The following WDR88 variants were observed in gnomAD, a reference collection of about 807,000 sequenced individuals.
WDR88 encodes WD repeat-containing protein 88.
A neutral mutation model predicts 46.8 loss-of-function variants in WDR88; 40 were observed. That is an observed-to-expected ratio of 0.86 (90% CI 0.66 to 1.11). The LOEUF (loss-of-function observed/expected upper bound fraction) is 1.11. Ranked by LOEUF, WDR88 falls within the 50% of genes most tolerant of loss-of-function variation. The pLI is 0.00. For synonymous variants in WDR88, 235 were observed against 240.7 expected (o/e 0.98, Z 0.22); for missense variants, 562 against 602.4 (o/e 0.93, Z 0.70).
chr19:33,133,566 G>A (rs1402708182), intron 1 of WDR88, among the ~76,000 whole-genome samples: 1 of 152,152 alleles, frequency 6.6e-6, no homozygotes, highest in Non-Finnish European at 1.5e-5. Context: ...TCAATAAGTA[G>A]CGTTTCATGC....
intron 7 of WDR88, among the ~76,000 whole-genome samples, chr19:33,157,798 A>G (rs1301828727): frequency 2.0e-5 from 3 of 148,670 alleles, no homozygotes; most frequent in Non-Finnish European, 4.4e-5. Context: ...GGCCCCTGGC[A>G]GTCCTGGAGA....
In WDR88 at chr19:33,160,321, G is replaced by A. The variant is rs11881084; in HGVS notation, c.998-93G>A. The A allele has an allele frequency of 8.7e-3, 10,777 of 1,237,476 alleles. 505 individuals are homozygous for A. The African/African-American group carries it at 0.12, about 13-fold the overall frequency. The allele number at this position is 1,237,476 out of a possible 1,614,324, so 76.7% of individuals were successfully genotyped here. On this transcript the variant is annotated intron_variant, in intron 7 of 10. Coordinates refer to ENST00000355868, the MANE Select transcript of WDR88 (RefSeq NM_173479.4). ...TTTCAGTGTTGTCAGAGTGAGATGA[G>A]GTGGTGCCTCGCCAAGGCATCTTCA...
At chr19:33,157,141 G>A (rs564500716) in intron 7 of WDR88, among the ~76,000 whole-genome samples, 83 of 151,958 alleles carry the variant, frequency 5.5e-4, no homozygotes, top group African/African-American at 2.0e-3. Context: ...AGGCTGCAGT[G>A]AGCTATGATT....
chr19:33,165,470 A>G (rs777732903), intron 9 of WDR88, among the ~76,000 whole-genome samples: 11 of 152,212 alleles, frequency 7.2e-5, no homozygotes, highest in Admixed American at 4.6e-4. Flanking sequence ...GAAATTATAC[A>G]TTATTTTATA....
chr19:33,143,337 C>CAAAAAAA (rs59380405), intron 2 of WDR88, among the ~76,000 whole-genome samples: 1 of 49,348 alleles, frequency 2.0e-5, no homozygotes, highest in African/African-American at 7.8e-5. Context: ...GATCCAGTGT[C>CAAAAAAA]AAAAAAAAAA....
At chr19:33,134,840 A>ACCCCCCCCC (rs766617576) in intron 1 of WDR88, among the ~76,000 whole-genome samples, 1 of 62,408 alleles carries the variant, frequency 1.6e-5, no homozygotes, top group Non-Finnish European at 3.5e-5. Context: ...CGTCCCCGAC[A>ACCCCCCCCC]CCCCCCCCCC....
chr19:33,138,969 A>T (rs1973334395), intron 2 of WDR88, among the ~76,000 whole-genome samples: 1 of 152,090 alleles, frequency 6.6e-6, no homozygotes, highest in Non-Finnish European at 1.5e-5. Flanking sequence ...GGTGTGAGCC[A>T]CTGTGCCCGG....
At position 33,133,062 on chromosome 19, in the gene WDR88, C is replaced by G. The variant is rs796878055; in HGVS notation, c.276+617C>G. On this transcript the variant is annotated intron_variant, in intron 1 of 10. Coordinates refer to ENST00000355868, the MANE Select transcript of WDR88 (RefSeq NM_173479.4). ...GTCCCAGCCACTTGAAAGGCTGAGG[C>G]AAGAGGATCCCTTGAACCCAGGAGT... is the stretch of plus-strand genomic sequence containing the variant. 2.6e-4 allele frequency among the ~76,000 whole-genome samples: 39 copies of G among 151,850 alleles called. 3 individuals are homozygous for G. Among genetic ancestry groups the G allele is most frequent in the African/African-American group, 9.2e-4 (38 of 41,374 alleles).
intron 6 of WDR88, among the ~76,000 whole-genome samples, chr19:33,151,661 C>T (rs948643610): frequency 6.6e-6 from 1 of 152,136 alleles, no homozygotes; most frequent in East Asian, 1.9e-4. Context: ...GGGAGGATCA[C>T]TTCAGGCCAG....
chr19:33,166,297 A>G (rs1413905695), intron 9 of WDR88, among the ~76,000 whole-genome samples: 1 of 150,666 alleles, frequency 6.6e-6, no homozygotes, highest in East Asian at 1.9e-4. Flanking sequence ...AAAAAAAAAA[A>G]AAAAAAAAGC....
At chr19:33,159,640 C>T (rs1409492474) in intron 7 of WDR88, among the ~76,000 whole-genome samples, 1 of 151,946 alleles carries the variant, frequency 6.6e-6, no homozygotes, top group East Asian at 1.9e-4. Context: ...CCTGTATTTC[C>T]CCTAGGAGCG....
chr19:33,148,501 C>T (rs560223829), intron 4 of WDR88, among the ~76,000 whole-genome samples: 1 of 152,174 alleles, frequency 6.6e-6, no homozygotes, highest in Non-Finnish European at 1.5e-5. Context: ...AACACAGTGG[C>T]GCCATCGTAG....
chr19:33,152,556 T>C (rs1325446851), intron 6 of WDR88, among the ~76,000 whole-genome samples: 1 of 152,190 alleles, frequency 6.6e-6, no homozygotes, highest in Non-Finnish European at 1.5e-5. Context: ...AATAATGTCC[T>C]CAAGGTTCAT....
At chr19:33,135,530 A>C (rs1159723953) in intron 1 of WDR88, among the ~76,000 whole-genome samples, 1 of 148,988 alleles carries the variant, frequency 6.7e-6, no homozygotes, top group South Asian at 2.1e-4. Context: ...GCGATTCTCC[A>C]GTCTCAGTCT....
At chr19:33,156,600 C>T (rs1973740417) in intron 7 of WDR88, 58 bp downstream of exon 7, 1 of 1,543,082 alleles carries the variant, frequency 6.5e-7, no homozygotes, top group African/African-American at 1.4e-5. Context: ...GCAGAGTTCT[C>T]CATGTTCCGT....
In WDR88 at chr19:33,142,878, A is replaced by AAAAAAAAAAG. The variant is rs1289318961; in HGVS notation, c.388-1964_388-1963insAAAAAAAGAA. 38 of 142,948 alleles carry AAAAAAAAAAG rather than the reference A, an allele frequency of 2.7e-4. 4 individuals are homozygous for AAAAAAAAAAG. Among genetic ancestry groups the AAAAAAAAAAG allele is most frequent in the African/African-American group, 1.0e-3 (38 of 36,856 alleles). The allele number at this position is 142,948 out of a possible 1,614,324, so 8.9% of individuals were successfully genotyped here. A position where few individuals can be genotyped will look rare whatever the true frequency, so the allele number is the denominator to read the frequency against. The stretch of plus-strand genomic sequence containing the variant: ...AAAAAAAAAAAAAAAAAAAAAAAAA[A>AAAAAAAAAAG]AAGGCCGGGGGGCGGGAATAACGTG... On this transcript the variant is annotated intron_variant, in intron 2 of 10. Transcript: ENST00000355868.
intron 10 of WDR88, among the ~76,000 whole-genome samples, chr19:33,172,845 T>C (rs1205696956): frequency 6.6e-6 from 1 of 151,492 alleles, no homozygotes; most frequent in Non-Finnish European, 1.5e-5. Flanking sequence ...ATCCCAACAT[T>C]TTGGGAGGCT....
chr19:33,172,970 T>C (rs921454732), intron 10 of WDR88, among the ~76,000 whole-genome samples: 6 of 151,560 alleles, frequency 4.0e-5, no homozygotes, highest in Non-Finnish European at 8.8e-5. Flanking sequence ...TGCACACCTG[T>C]ACTACCAGCT....
At chr19:33,157,541 G>GTGTA (rs1973763319) in intron 7 of WDR88, among the ~76,000 whole-genome samples, 2 of 126,640 alleles carry the variant, frequency 1.6e-5, no homozygotes, top group South Asian at 2.4e-4. Flanking sequence ...ATATATATAT[G>GTGTA]TATATATATG....
Sources: gnomAD v4.1 joint callset for allele counts (sites outside exome capture counted in the v4.1 genomes callset) on GRCh38, gnomAD v4.1.1 for gene constraint, MANE v1.5 for transcripts, NCBI Gene and HGNC (gene_info 2026-07-23, HGNC 2026-07-21) for gene names.